The following KIF19 variants were observed in gnomAD, a reference collection of about 807,000 sequenced individuals.
KIF19 encodes kinesin-like protein KIF19.
A neutral mutation model predicts 106.6 loss-of-function variants in KIF19; 98 were observed. That is an observed-to-expected ratio of 0.92 (90% CI 0.78 to 1.09). The LOEUF (loss-of-function observed/expected upper bound fraction) is 1.09. KIF19 is among the 50% of genes least tolerant of loss of function. KIF19 has a pLI of 0.00. For synonymous variants in KIF19, 516 were observed against 584.2 expected, an observed-to-expected ratio of 0.88 and a Z score of 1.68; for missense variants, 1,373 against 1,414.3, an observed-to-expected ratio of 0.97 and a Z score of 0.47.
rs375218136 is a variant in KIF19, at chr17:74,352,918, T to A, written c.2078T>A (p.Leu693Gln). 33 of 1,613,786 alleles carry A rather than the reference T, an allele frequency of 2.0e-5. No individual in the cohort carries two copies. Among genetic ancestry groups the A allele is most frequent in the Non-Finnish European group, 2.7e-5 (32 of 1,179,868 alleles). ...VKTLSSDAQHLQNSALPPLST... is the reference protein window; with the variant it reads ...VKTLSSDAQHQQNSALPPLST... ...ACATTGAGCTCTGATGCCCAGCACC[T>A]GCAGAACAGCGCCCTCCCTCCCCTC... Residue 693 changes from leucine to glutamine, a missense_variant, in exon 15 of 20, where the codon CTG becomes CAG. Transcript: ENST00000389916.
chr17:74,326,373 G>A lies in KIF19; in HGVS notation c.24G>A (p.Lys8=), dbSNP rs770065100. The change falls in exon 1 of 20, where the codon AAG becomes AAA. Residue 8 remains lysine (K), a synonymous_variant. Transcript: ENST00000389916. Reference sequence around the variant, plus strand: ...TCATGAAGGACAGCGGGGACTCCAAGGACCAGCAACTCATGGTGAGACCCT... The same window carrying A: ...TCATGAAGGACAGCGGGGACTCCAAAGACCAGCAACTCATGGTGAGACCCT... MKDSGDS[K]DQQLMVALRV... The A allele has an allele frequency of 1.5e-5, 24 of 1,612,944 alleles. No individual in the cohort carries two copies. The highest frequency in any genetic ancestry group is 1.9e-5 in the Non-Finnish European group (22 of 1,179,564).
rs1159847113 is a variant in KIF19 at position 74,350,545 on chromosome 17, A to T, written c.1358A>T (p.Asp453Val). ...AACCGCGCCATGGAGGTCCAGATTG[A>T]CACCTCCCGACACCTGCTCACCATC... is the stretch of plus-strand genomic sequence containing the variant. ...LENRAMEVQI[D>V]TSRHLLTIAG... Residue 453 changes from aspartate to valine, a missense_variant, in exon 11 of 20, where the codon GAC (aspartate) becomes GTC (valine). Physicochemically the swap from Asp to Val is radical, Grantham distance 152. Coordinates refer to ENST00000389916, the MANE Select transcript of KIF19 (RefSeq NM_153209.4). The T allele has an allele frequency of 6.2e-7, 1 of 1,612,852 alleles. No homozygotes were observed. Among genetic ancestry groups the T allele is most frequent in the Admixed American group, 1.7e-5 (1 of 60,010 alleles).
chr17:74,351,328 C>CAAAAAAAA (rs66627748), intron 12 of KIF19: 1 of 79,288 alleles, frequency 1.3e-5, no homozygotes, highest in African/African-American at 4.3e-5. Flanking sequence ...ACTAAAAATA[C>CAAAAAAAA]AAAAAAAAAA....
At position 74,341,922 on chromosome 17, in the gene KIF19, GGGC is replaced by G. The variant is rs759282245; in HGVS notation, c.169_171del (p.Ala57del). The G allele has an allele frequency of 1.8e-4, 285 of 1,613,584 alleles. No homozygotes were observed. The highest frequency in any genetic ancestry group is 2.2e-4 in the Non-Finnish European group (257 of 1,179,836). On this transcript the variant is annotated inframe_deletion, in exon 3 of 20. Transcript: ENST00000389916. ...ATGGAGGATCCCGACGACATCCTGC[GGGC>G]GCATCGCTCCCGGGAGAAGTCCTAC...
chr17:74,343,788 G>A (rs973322561), intron 5 of KIF19, among the ~76,000 whole-genome samples: 2 of 152,208 alleles, frequency 1.3e-5, no homozygotes, highest in African/African-American at 4.8e-5. Context: ...ACGGGGTGGG[G>A]GTGCCCCCAG....
At position 74,343,684 on chromosome 17, in the gene KIF19, T is replaced by C. The variant is rs141040637; in HGVS notation, c.456+524T>C. Among the ~76,000 whole-genome samples the C allele has an allele frequency of 5.1e-4, 78 of 152,298 alleles. No individual in the cohort carries two copies. The East Asian group carries it at 0.012, about 24-fold the overall frequency. On this transcript the variant is annotated intron_variant, in intron 5 of 19. Coordinates refer to ENST00000389916, the MANE Select transcript of KIF19 (RefSeq NM_153209.4). ...TTCATCTGGCTCCTCCGGGAGCTGA[T>C]AATCTCCTGGGTGACATCTTAAGGA...
At position 74,344,256 on chromosome 17, in the gene KIF19, C is replaced by A; in HGVS notation, c.490C>A (p.Pro164Thr). 6.2e-7 allele frequency: 1 copy of A among 1,613,024 alleles called. No individual in the cohort carries two copies. Among genetic ancestry groups the A allele is most frequent in the Non-Finnish European group, 8.5e-7 (1 of 1,179,730 alleles). ...YNEMIRDLLNPSLGYLELRED... is the reference protein window; with the variant it reads ...YNEMIRDLLNTSLGYLELRED... Reference sequence around the variant, plus strand: ...TGAGATGATCCGGGACCTGCTGAACCCCTCCCTGGGCTACCTGGAGCTGCG... The same window carrying A: ...TGAGATGATCCGGGACCTGCTGAACACCTCCCTGGGCTACCTGGAGCTGCG... The change falls in exon 6 of 20, where the codon CCC becomes ACC. Residue 164 changes from proline (P) to threonine (T), a missense_variant. Pro to Thr is a conservative substitution (Grantham distance 38, BLOSUM62 -1). Transcript: ENST00000389916.
chr17:74,352,899 A>G lies in KIF19; in HGVS notation c.2059A>G (p.Ser687Gly), dbSNP rs1555624830. The G allele has an allele frequency of 6.2e-7, 1 of 1,613,798 alleles. No homozygotes were observed. The highest frequency in any genetic ancestry group is 8.5e-7 in the Non-Finnish European group (1 of 1,179,872). Reference sequence around the variant, plus strand: ...TGACCTGGAGAGTGTGAAGACATTGAGCTCTGATGCCCAGCACCTGCAGAA... The same window carrying G: ...TGACCTGGAGAGTGTGAAGACATTGGGCTCTGATGCCCAGCACCTGCAGAA... ...DSDLESVKTL[S>G]SDAQHLQNSA... Residue 687 changes from serine to glycine, a missense_variant, in exon 15 of 20, where the codon AGC (serine) becomes GGC (glycine). This residue lies in a region of KIF19 where 1,020 missense variants were observed against 1,008.2 expected (regional missense o/e 1.01). Coordinates refer to ENST00000389916, the MANE Select transcript of KIF19 (RefSeq NM_153209.4).
intron 17 of KIF19, 77 bp from the exon 18 acceptor site, chr17:74,354,085 C>T (rs2054800851): frequency 4.7e-6 from 7 of 1,480,524 alleles, no homozygotes; most frequent in Non-Finnish European, 6.3e-6. Flanking sequence ...GGCTCCTACC[C>T]ACGTCTGCCA....
Position 74,354,803 on chromosome 17 carries a change from C to G in KIF19, c.2728C>G (p.Leu910Val), listed in dbSNP as rs1319219482. The change falls in exon 19 of 20, where the codon CTC becomes GTC. Residue 910 changes from leucine to valine, a missense_variant. Physicochemically the swap from Leu to Val is conservative, Grantham distance 32. Coordinates refer to ENST00000389916, the MANE Select transcript of KIF19 (RefSeq NM_153209.4). ...ACAGCTCTCCCACCCCAAGACACAC[C>G]TCCTGGGGCCCCATCAGGCGGAGCG... ...GQGLSHPKTH[L>V]LGPHQAERIS... The G allele has an allele frequency of 1.9e-6, 3 of 1,559,172 alleles. No individual in the cohort carries two copies. The South Asian group carries it at 3.6e-5, about 18-fold the overall frequency.
In KIF19 at chr17:74,346,591, A is replaced by T; in HGVS notation, c.924+67A>T. 6.9e-7 allele frequency: 1 copy of T among 1,446,922 alleles called. No homozygotes were observed. Among genetic ancestry groups the T allele is most frequent in the Non-Finnish European group, 9.4e-7 (1 of 1,064,746 alleles). The allele number at this position is 1,446,922 out of a possible 1,614,324, so 89.6% of individuals were successfully genotyped here. ...GAGGCTGCCAGATTAAACAAATGAAAATACAGGGCACCCAGCTAAATTCCA... is the reference window on the plus strand; with the variant it reads ...GAGGCTGCCAGATTAAACAAATGAATATACAGGGCACCCAGCTAAATTCCA... On this transcript the variant is annotated intron_variant, in intron 8 of 19. Coordinates refer to ENST00000389916, the MANE Select transcript of KIF19 (RefSeq NM_153209.4). This position sits in a 1 kb window ranked among gnomAD's most constrained non-coding sequence, Gnocchi z 4.6.
intron 1 of KIF19, among the ~76,000 whole-genome samples, chr17:74,326,826 A>G (rs1372749752): frequency 6.6e-6 from 1 of 152,130 alleles, no homozygotes; most frequent in Admixed American, 6.5e-5. Flanking sequence ...CACCAGTAGG[A>G]AGACAAGGGC....
chr17:74,347,618 T>C (rs2054573295), intron 8 of KIF19, among the ~76,000 whole-genome samples, 159 bp from the exon 9 acceptor site: 1 of 151,978 alleles, frequency 6.6e-6, no homozygotes, highest in African/African-American at 2.4e-5. Context: ...CAGGGCTTTC[T>C]TCCTCCCAAG....
chr17:74,355,058 C>A (rs1598403466), intron 19 of KIF19, 117 bp downstream of exon 19: 5 of 1,542,672 alleles, frequency 3.2e-6, no homozygotes, highest in Non-Finnish European at 4.4e-6. Flanking sequence ...ATGGTTCTAG[C>A]AGAATACTCA....
chr17:74,348,941 G>A (rs1352401850), intron 9 of KIF19: 1 of 547,802 alleles, frequency 1.8e-6, no homozygotes, highest in Non-Finnish European at 3.2e-6. Context: ...AGAGAGATGG[G>A]GGTGGCCCTT....
In KIF19 at chr17:74,341,911, C is replaced by A; in HGVS notation, c.156C>A (p.Asp52Glu). The A allele has an allele frequency of 1.9e-6, 3 of 1,613,714 alleles. No individual in the cohort carries two copies. Among genetic ancestry groups the A allele is most frequent in the Non-Finnish European group, 2.5e-6 (3 of 1,179,824 alleles). Residue 52 changes from aspartate (D) to glutamate (E), a missense_variant, in exon 3 of 20, where the codon GAC becomes GAA. Coordinates refer to ENST00000389916, the MANE Select transcript of KIF19 (RefSeq NM_153209.4). ...VVLMDPMEDP[D>E]DILRAHRSRE... ...TCATGGACCCAATGGAGGATCCCGACGACATCCTGCGGGCGCATCGCTCCC... is the reference window on the plus strand; with the variant it reads ...TCATGGACCCAATGGAGGATCCCGAAGACATCCTGCGGGCGCATCGCTCCC...
intron 2 of KIF19, among the ~76,000 whole-genome samples, chr17:74,339,652 C>T (rs984419935): frequency 2.0e-5 from 3 of 148,768 alleles, no homozygotes; most frequent in East Asian, 1.9e-4. Flanking sequence ...TCAGCACCCA[C>T]GGCCCCAGGG....
At chr17:74,334,664 G>A (rs527905904) in intron 2 of KIF19, among the ~76,000 whole-genome samples, 5 of 152,266 alleles carry the variant, frequency 3.3e-5, no homozygotes, top group East Asian at 1.9e-4. Context: ...TGGGATCAAC[G>A]TTGCCTTTAT....
chr17:74,354,401 AC>A lies in KIF19; in HGVS notation c.2549del (p.Thr850ArgfsTer180), dbSNP rs1447236894. ...CAGTGAGGACAACCTGTCCAGCAGC[AC>A]GGGCGAGGCCCCGTCCCGGGCAGTC... Reference protein sequence around the residue: ...AASEDNLSSSTGEAPSRAVGH... With the variant: ...AASEDNLSSSXGEAPSRAVGH... On this transcript the variant is annotated frameshift_variant, in exon 18 of 20. Transcript: ENST00000389916. LOFTEE classifies it high-confidence loss of function. The A allele has an allele frequency of 1.9e-6, 3 of 1,610,998 alleles. No homozygotes were observed. Among genetic ancestry groups the A allele is most frequent in the Non-Finnish European group, 2.5e-6 (3 of 1,179,186 alleles).
Sources: gnomAD v4.1 joint callset for allele counts (sites outside exome capture counted in the v4.1 genomes callset) on GRCh38, gnomAD v4.1.1 for gene constraint, gnomAD v4.1.1 regional missense constraint, Gnocchi (gnomAD v3.1) non-coding constraint, MANE v1.5 for transcripts, NCBI Gene and HGNC (gene_info 2026-07-23, HGNC 2026-07-21) for gene names.